Variants in HEATR9 observed in about 807,000 individuals in gnomAD.
The protein encoded by HEATR9 is protein HEATR9.
Under a neutral mutation model 68.2 loss-of-function variants are expected in HEATR9, and 54 were observed. The ratio of observed to expected loss-of-function variants is 0.79; its 90% CI spans 0.64 to 0.99. The LOEUF is 0.99. Among genes scored for constraint, HEATR9 ranks in the 50% least tolerant of loss-of-function variants. The pLI is 0.00. For synonymous variants in HEATR9, 241 were observed against 253.5 expected, an observed-to-expected ratio of 0.95 and a Z score of 0.47; for missense variants, 662 against 679.7, an observed-to-expected ratio of 0.97 and a Z score of 0.29.
At chr17:35,865,177 T>C in intron 3 of HEATR9, 38 bp downstream of exon 3, 2 of 1,592,748 alleles carry the variant, frequency 1.3e-6, no homozygotes, top group Non-Finnish European at 1.7e-6. Context: ...CTAGAAGATG[T>C]GGAGGGTGAG....
In HEATR9 at chr17:35,864,837, C is replaced by T. The variant is rs142206883; in HGVS notation, c.374G>A (p.Ser125Asn). The T allele has an allele frequency of 1.2e-5, 20 of 1,614,086 alleles. No individual in the cohort carries two copies. Among genetic ancestry groups the T allele is most frequent in the Non-Finnish European group, 5.9e-6 (7 of 1,180,040 alleles). Residue 125 changes from serine (S) to asparagine (N), a missense_variant, in exon 4 of 15, where the codon AGC (serine) becomes AAC (asparagine). Ser to Asn is a conservative substitution (Grantham distance 46). Transcript: ENST00000604834. Reference protein sequence around the residue: ...THIKMFHLPMSKLTIKSEMRS... With the variant: ...THIKMFHLPMNKLTIKSEMRS... ...CATCTCAGATTTTATAGTCAGCTTG[C>T]TCATTGGGAGATGGAACATTTTGAT...
chr17:35,861,564 C>T, intron 8 of HEATR9: 1 of 758,288 alleles, frequency 1.3e-6, no homozygotes, highest in Non-Finnish European at 2.4e-6. Context: ...TCTTGATACG[C>T]ATGTTGAACC....
At chr17:35,856,932 T>C in intron 11 of HEATR9, 127 bp from the exon 12 acceptor site, 1 of 840,648 alleles carries the variant, frequency 1.2e-6, no homozygotes, top group Non-Finnish European at 1.9e-6. Context: ...GAGCTCATAG[T>C]CTGGTGGAGG....
chr17:35,862,932 A>G (rs772063114), intron 8 of HEATR9, 63 bp downstream of exon 8: 1 of 1,611,368 alleles, frequency 6.2e-7, no homozygotes, highest in African/African-American at 1.3e-5. Context: ...CCCAACCCCA[A>G]GCTAAACCTA....
Position 35,864,483 on chromosome 17 carries a change from T to C in HEATR9, c.510+14A>G. The C allele has an allele frequency of 6.2e-7, 1 of 1,613,050 alleles. No individual in the cohort carries two copies. Among genetic ancestry groups the C allele is most frequent in the Non-Finnish European group, 8.5e-7 (1 of 1,179,414 alleles). On this transcript the variant is annotated intron_variant, in intron 5 of 14. Transcript: ENST00000604834. ...TGGCTGTAACCACCCTCCTCTATCC[T>C]TGCCTCTTCTCACCTGTGCTGCATA...
intron 8 of HEATR9, among the ~76,000 whole-genome samples, chr17:35,859,273 T>TA (rs1156486984): frequency 3.4e-4 from 52 of 152,328 alleles, no homozygotes; most frequent in African/African-American, 1.2e-3. Context: ...GGATCACTGT[T>TA]ACTCTCTTCA....
At chr17:35,855,578 A>G in intron 14 of HEATR9, 86 bp downstream of exon 14, 3 of 1,394,908 alleles carry the variant, frequency 2.2e-6, no homozygotes, top group African/African-American at 2.8e-5. Context: ...TCCTCCTGAC[A>G]AGGAGCAAAT....
intron 8 of HEATR9, among the ~76,000 whole-genome samples, chr17:35,860,172 G>A (rs529543924): frequency 3.3e-4 from 50 of 151,698 alleles, no homozygotes; most frequent in Middle Eastern, 3.4e-3. Flanking sequence ...CAAGGCGGGC[G>A]GATCATGAGG....
chr17:35,868,343 C>T (rs1002178427), intron 1 of HEATR9, among the ~76,000 whole-genome samples: 5 of 152,134 alleles, frequency 3.3e-5, no homozygotes, highest in African/African-American at 1.2e-4. Flanking sequence ...GGGGGAAGAG[C>T]ATTAGACACA....
rs768355795 is a variant in HEATR9 at position 35,866,727 on chromosome 17, G to A, written c.135C>T (p.Tyr45=). The A allele has an allele frequency of 5.0e-6, 8 of 1,613,856 alleles. No homozygotes were observed. The East Asian group carries it at 1.1e-4, about 22-fold the overall frequency. The part of the protein sequence containing the change: ...MAPVHLPLSC[Y]QMPKEEFPPS... The stretch of plus-strand genomic sequence containing the variant: ...TAGCAAAAGTAAGGGGTCTTACCTG[G>A]TAGCAGGACAAGGGCAGATGAACAG... Residue 45 remains tyrosine (Y), a synonymous_variant, in exon 2 of 15, where the codon TAC becomes TAT. Coordinates refer to ENST00000604834, the MANE Select transcript of HEATR9 (RefSeq NM_152781.4).
chr17:35,864,867 G>T lies in HEATR9; in HGVS notation c.344C>A (p.Thr115Asn). ...TGGGAGATGGAACATTTTGATGTGG[G>T]TTTGATGTACCTCTTTGATGTACCT... is the stretch of plus-strand genomic sequence containing the variant. Reference protein sequence around the residue: ...DCRYIKEVHQTHIKMFHLPMS... With the variant: ...DCRYIKEVHQNHIKMFHLPMS... Residue 115 changes from threonine (T) to asparagine (N), a missense_variant, in exon 4 of 15, where the codon ACC (threonine) becomes AAC (asparagine). Physicochemically the swap from Thr to Asn is moderately conservative, Grantham distance 65 (BLOSUM62 0). Transcript: ENST00000604834. 2 of 1,614,198 alleles carry T rather than the reference G, an allele frequency of 1.2e-6. No homozygotes were observed. The highest frequency in any genetic ancestry group is 1.7e-6 in the Non-Finnish European group (2 of 1,180,028).
rs769159053 is a variant in HEATR9 at position 35,858,906 on chromosome 17, G to A, written c.921C>T (p.Leu307=). The A allele has an allele frequency of 6.2e-7, 1 of 1,613,940 alleles. No individual in the cohort carries two copies. The change falls in exon 9 of 15, where the codon CTC becomes CTT. Residue 307 remains leucine (L), a synonymous_variant. Transcript: ENST00000604834. The part of the protein sequence containing the change: ...EFLLQCLCQG[L]KTQRMKALRM... Reference sequence around the variant, plus strand: ...CTCACACCTTCATCCGCTGGGTCTTGAGTCCTTGGCACAGGCACTGCAACA... The same window carrying A: ...CTCACACCTTCATCCGCTGGGTCTTAAGTCCTTGGCACAGGCACTGCAACA...
intron 14 of HEATR9, 106 bp from the exon 15 acceptor site, chr17:35,855,516 G>A: frequency 7.6e-7 from 1 of 1,319,238 alleles, no homozygotes; most frequent in Non-Finnish European, 1.1e-6. Context: ...ACAGGGCACT[G>A]TGGCCCCAAG....
In HEATR9 at chr17:35,858,727, C is replaced by T. The variant is rs115778225; in HGVS notation, c.939+161G>A. Reference sequence around the variant, plus strand: ...TATCAAATATACACAGACACATGGACGCTTATATGTCCATATGACCCCATA... The same window carrying T: ...TATCAAATATACACAGACACATGGATGCTTATATGTCCATATGACCCCATA... On this transcript the variant is annotated intron_variant, in intron 9 of 14. Transcript: ENST00000604834. Among the ~76,000 whole-genome samples, 324 of 152,226 alleles carry T rather than the reference C, an allele frequency of 2.1e-3. 2 individuals carry two copies. The highest frequency in any genetic ancestry group is 7.2e-3 in the African/African-American group (297 of 41,538).
In HEATR9 at chr17:35,868,482, G is replaced by T. The variant is rs934370503; in HGVS notation, c.88+173C>A. On this transcript the variant is annotated intron_variant, in intron 1 of 14. Transcript: ENST00000604834. Reference sequence around the variant, plus strand: ...AGAGATCCCTGTAGGCCCTGCTGAGGAGCCTGAGACCTTGAGGACTGTGCA... The same window carrying T: ...AGAGATCCCTGTAGGCCCTGCTGAGTAGCCTGAGACCTTGAGGACTGTGCA... The T allele has an allele frequency of 4.1e-6, 5 of 1,224,476 alleles. No homozygotes were observed. The African/African-American group carries it at 7.6e-5, about 19-fold the overall frequency. The allele number at this position is 1,224,476 out of a possible 1,614,324, so 75.9% of individuals were successfully genotyped here.
At chr17:35,863,349 T>G (rs1318450187) in intron 7 of HEATR9, among the ~76,000 whole-genome samples, 153 bp downstream of exon 7, 1 of 152,222 alleles carries the variant, frequency 6.6e-6, no homozygotes, top group Non-Finnish European at 1.5e-5. Context: ...TCACCCCACC[T>G]TCCTCTCTTG....
Position 35,856,743 on chromosome 17 carries a change from G to A in HEATR9, c.1215C>T (p.Asn405=), listed in dbSNP as rs776589296. 2.5e-6 allele frequency: 4 copies of A among 1,604,522 alleles called. No homozygotes were observed. In the Admixed American group the frequency reaches 5.1e-5, roughly 20 times the overall value. Residue 405 remains asparagine, a synonymous_variant, in exon 12 of 15, where the codon AAC becomes AAT. Coordinates refer to ENST00000604834, the MANE Select transcript of HEATR9 (RefSeq NM_152781.4). The part of the protein sequence containing the change: ...EELKLKPTMM[N]LVEAQLMNPD... ...CCCAGGCCACTCACGCCTCCACCAA[G>A]TTCATCATCGTAGGCTTCAACTTGA...
intron 8 of HEATR9, among the ~76,000 whole-genome samples, chr17:35,859,355 T>C (rs999503691): frequency 6.0e-4 from 91 of 152,284 alleles, no homozygotes; most frequent in African/African-American, 2.0e-3. Flanking sequence ...TCTCCTCCAA[T>C]ATCCTTGTCC....
chr17:35,858,602 C>T, intron 9 of HEATR9, 77 bp from the exon 10 acceptor site: 6 of 1,333,202 alleles, frequency 4.5e-6, no homozygotes, highest in Admixed American at 2.0e-5. Context: ...GAGGTCTGAG[C>T]CTAGAACTGG....
Sources: allele counts gnomAD v4.1 joint callset (sites outside exome capture counted in the v4.1 genomes callset), GRCh38; gene constraint gnomAD v4.1.1; transcripts MANE v1.5; gene names NCBI Gene and HGNC (gene_info 2026-07-23, HGNC 2026-07-21).